Variants in ECT2L observed in about 807,000 individuals in gnomAD.
ECT2L encodes the protein epithelial cell-transforming sequence 2 oncogene-like.
In ECT2L, 126 loss-of-function variants were observed where a neutral mutation model predicts 122.8. The ratio of observed to expected loss-of-function variants is 1.03; its 90% CI spans 0.89 to 1.19. The LOEUF is 1.19. Among genes scored for constraint, ECT2L ranks in the 50% most tolerant of loss-of-function variants. ECT2L has a pLI of 0.00. For synonymous variants in ECT2L, 385 were observed against 381.8 expected, an observed-to-expected ratio of 1.01 and a Z score of -0.10; for missense variants, 1,012 against 1,064.1, an observed-to-expected ratio of 0.95 and a Z score of 0.68.
Position 138,901,046 on chromosome 6 carries a change from C to G in ECT2L, c.2513C>G (p.Ser838Ter). The G allele has an allele frequency of 6.2e-7, 1 of 1,614,154 alleles. No individual in the cohort carries two copies. The highest frequency in any genetic ancestry group is 8.5e-7 in the Non-Finnish European group (1 of 1,180,020). The change falls in exon 21 of 22, where the codon TCA becomes TGA. Residue 838 changes from serine to a stop codon, truncating the protein, a stop_gained. Coordinates refer to ENST00000541398, the MANE Select transcript of ECT2L (RefSeq NM_001077706.3). LOFTEE classifies it high-confidence loss of function. ...TCTCACACTCCATTTGAGAGGACTT[C>G]AAAAACAACCTACCAGTTCATTGCA... Reference protein sequence around the residue: ...GTSHTPFERTSKTTYQFIASV... With the variant: ...GTSHTPFERT
At chr6:138,890,833 G>A (rs571619725) in intron 20 of ECT2L, among the ~76,000 whole-genome samples, 103 of 144,300 alleles carry the variant, frequency 7.1e-4, no homozygotes, top group Non-Finnish European at 1.2e-3. Context: ...GCTGGATACA[G>A]AATTCTAGGT....
chr6:138,863,901 C>T (rs1035374363), intron 11 of ECT2L, among the ~76,000 whole-genome samples: 7 of 149,046 alleles, frequency 4.7e-5, no homozygotes, highest in Admixed American at 3.4e-4. Flanking sequence ...CGTGAGCCAC[C>T]GCATCTGGCC....
At chr6:138,869,287 G>T (rs1778159765) in intron 13 of ECT2L, among the ~76,000 whole-genome samples, 1 of 152,216 alleles carries the variant, frequency 6.6e-6, no homozygotes, top group Non-Finnish European at 1.5e-5. Flanking sequence ...AGTTTCCAAG[G>T]AATTCTCAAG....
chr6:138,799,814 A>G (rs1775478733), intron 1 of ECT2L, among the ~76,000 whole-genome samples: 1 of 152,016 alleles, frequency 6.6e-6, no homozygotes, highest in Non-Finnish European at 1.5e-5. Flanking sequence ...GCCTCCCAAA[A>G]TGCCTGGATT....
chr6:138,878,028 T>C (rs887089831), intron 14 of ECT2L, among the ~76,000 whole-genome samples: 1 of 152,242 alleles, frequency 6.6e-6, no homozygotes, highest in Non-Finnish European at 1.5e-5. Context: ...AATGAAATTA[T>C]GGTTAACTCA....
chr6:138,817,175 ATATTT>A (rs1211487276), intron 4 of ECT2L, among the ~76,000 whole-genome samples: 1 of 152,142 alleles, frequency 6.6e-6, no homozygotes, highest in African/African-American at 2.4e-5. Flanking sequence ...TGGATGTGCC[ATATTT>A]TATTTATCCA....
intron 10 of ECT2L, among the ~76,000 whole-genome samples, chr6:138,861,349 T>C (rs913643897): frequency 1.3e-5 from 2 of 152,194 alleles, no homozygotes; most frequent in African/African-American, 2.4e-5. Flanking sequence ...CCACCAACAA[T>C]GGAAAAGTAT....
At chr6:138,822,619 C>T in intron 4 of ECT2L, 1 of 713,170 alleles carries the variant, frequency 1.4e-6, no homozygotes, top group Non-Finnish European at 2.3e-6. Context: ...ACTGGGTCAG[C>T]AAGAATAAAA....
At chr6:138,851,176 CT>C (rs372501344) in intron 9 of ECT2L, among the ~76,000 whole-genome samples, 4 of 150,850 alleles carry the variant, frequency 2.7e-5, no homozygotes, top group South Asian at 2.1e-4. Flanking sequence ...TGTATCTGTG[CT>C]TTTTTTTTGT....
At chr6:138,859,397 C>T (rs1451500659) in intron 10 of ECT2L, among the ~76,000 whole-genome samples, 1 of 152,110 alleles carries the variant, frequency 6.6e-6, no homozygotes, top group African/African-American at 2.4e-5. Flanking sequence ...GGATGAATAC[C>T]TGGGAGTAGA....
At chr6:138,878,516 G>T (rs547247150) in intron 14 of ECT2L, among the ~76,000 whole-genome samples, 1 of 152,122 alleles carries the variant, frequency 6.6e-6, no homozygotes, top group African/African-American at 2.4e-5. Context: ...GCATGACCTC[G>T]GCTCACTGCA....
chr6:138,873,826 C>G (rs1386166843), intron 13 of ECT2L, among the ~76,000 whole-genome samples: 1 of 151,266 alleles, frequency 6.6e-6, no homozygotes, highest in Non-Finnish European at 1.5e-5. Context: ...AAAACAAACC[C>G]TCCCAGAGAG....
At chr6:138,822,137 A>T (rs6570291) in intron 4 of ECT2L, among the ~76,000 whole-genome samples, 1 of 152,170 alleles carries the variant, frequency 6.6e-6, no homozygotes, top group South Asian at 2.1e-4. Context: ...TTCAACGTTT[A>T]TTCTTTTTTC....
chr6:138,817,266 G>C (rs1191857762), intron 4 of ECT2L, among the ~76,000 whole-genome samples: 5 of 152,170 alleles, frequency 3.3e-5, no homozygotes, highest in African/African-American at 1.2e-4. Flanking sequence ...TTTGCATAGA[G>C]ATGTTTTATT....
intron 4 of ECT2L, among the ~76,000 whole-genome samples, chr6:138,820,923 T>C (rs1299314064): frequency 6.6e-6 from 1 of 152,230 alleles, no homozygotes; most frequent in Non-Finnish European, 1.5e-5. Context: ...ACTTGGAGTT[T>C]GTGAAACAGA....
At chr6:138,817,410 AAATG>A (rs1310328536) in intron 4 of ECT2L, among the ~76,000 whole-genome samples, 1 of 152,224 alleles carries the variant, frequency 6.6e-6, no homozygotes, top group African/African-American at 2.4e-5. Context: ...ATAAATTAAT[AAATG>A]AAAGAAATTA....
intron 20 of ECT2L, among the ~76,000 whole-genome samples, chr6:138,890,165 A>C (rs1279840153): frequency 4.6e-5 from 7 of 152,220 alleles, no homozygotes; most frequent in Non-Finnish European, 1.0e-4. Flanking sequence ...TAATAGAATC[A>C]AATAAAATTC....
chr6:138,806,511 C>CTTTTTTTTTTTTTT lies in ECT2L; in HGVS notation c.-243-6321_-243-6308dup, dbSNP rs57786220. 6.2e-4 allele frequency among the ~76,000 whole-genome samples: 56 copies of CTTTTTTTTTTTTTT among 89,656 alleles called. 5 individuals carry two copies. The highest frequency in any genetic ancestry group is 8.4e-4 in the African/African-American group (18 of 21,396). The allele number at this position is 89,656 out of a possible 152,430, so 58.8% of individuals were successfully genotyped here. A position where few individuals can be genotyped will look rare whatever the true frequency, so the allele number is the denominator to read the frequency against. On this transcript the variant is annotated intron_variant, in intron 1 of 21. Transcript: ENST00000541398. ...TCCCCTGTGCAGCTGAAAATTCACG[C>CTTTTTTTTTTTTTT]TTTTTTTTTTTTTTTTTTTGAGATG...
rs1232388887 is a variant in ECT2L, at chr6:138,838,446, T to C, written c.274T>C (p.Phe92Leu). 6.2e-7 allele frequency: 1 copy of C among 1,613,918 alleles called. No individual in the cohort carries two copies. The highest frequency in any genetic ancestry group is 8.5e-7 in the Non-Finnish European group (1 of 1,179,990). ...PRFISLYIFS[F>L]LSPKDLCAAA... ...CTTCATTTCTCTATATATCTTTTCC[T>C]TTTTGAGTCCGAAAGATTTGTGTGC... The change falls in exon 5 of 22, where the codon TTT becomes CTT. Residue 92 changes from phenylalanine (F) to leucine (L), a missense_variant. Physicochemically the swap from Phe to Leu is conservative, Grantham distance 22. Transcript: ENST00000541398.
Sources: gnomAD v4.1 joint callset for allele counts (sites outside exome capture counted in the v4.1 genomes callset) on GRCh38, gnomAD v4.1.1 for gene constraint, MANE v1.5 for transcripts, NCBI Gene and HGNC (gene_info 2026-07-23, HGNC 2026-07-21) for gene names.